BCAS3: variants seen among roughly 807,000 people sequenced by gnomAD.
BCAS3 encodes the protein BCAS4/BCAS3 fusion.
In BCAS3, 53 loss-of-function variants were observed where a neutral mutation model predicts 116.1. The observed-to-expected ratio is 0.46, with a 90% CI of 0.37 to 0.57. The LOEUF (loss-of-function observed/expected upper bound fraction) is 0.57, where lower values mean the gene tolerates loss of function less well. Among genes scored for constraint, BCAS3 ranks in the 20% least tolerant of loss-of-function variants. The probability of loss-of-function intolerance (pLI) is 0.00; values close to 1 mark genes in which losing one functional copy is unlikely to be tolerated. For missense variants in BCAS3, 917 were observed against 1,165.4 expected (o/e 0.79, Z 3.10); for synonymous variants, 391 against 408.2 (o/e 0.96, Z 0.51).
intron 22 of BCAS3, among the ~76,000 whole-genome samples, chr17:61,263,377 A>T (rs1277845054): frequency 6.6e-6 from 1 of 152,234 alleles, no homozygotes; most frequent in African/African-American, 2.4e-5. Context: ...TAACCTGGAC[A>T]TAGGGGTGAG....
At chr17:60,919,459 G>C (rs2058957254) in intron 12 of BCAS3, among the ~76,000 whole-genome samples, 1 of 152,006 alleles carries the variant, frequency 6.6e-6, no homozygotes, top group East Asian at 1.9e-4. Context: ...CGAGCATCTG[G>C]GACTACAGGT....
At chr17:61,125,390 CAT>C (rs1398088700) in intron 22 of BCAS3, among the ~76,000 whole-genome samples, 1 of 152,118 alleles carries the variant, frequency 6.6e-6, no homozygotes, top group African/African-American at 2.4e-5. Flanking sequence ...GCTTCAATGA[CAT>C]ATTTGTTTTC....
At position 61,309,445 on chromosome 17, in the gene BCAS3, C is replaced by G. The variant is rs75177569; in HGVS notation, c.2426-58882C>G. 0.049 allele frequency among the ~76,000 whole-genome samples: 7,478 copies of G among 152,126 alleles called. 546 individuals are homozygous for G. Among genetic ancestry groups the G allele is most frequent in the African/African-American group, 0.15 (6,426 of 41,462 alleles). On this transcript the variant is annotated intron_variant, in intron 22 of 23. Coordinates refer to ENST00000407086, the MANE Select transcript of BCAS3 (RefSeq NM_017679.5). The surrounding 1 kb of genome is among the most constrained non-coding windows in gnomAD (Gnocchi z 4.6). Reference sequence around the variant, plus strand: ...TGTAGAAGAGGAAGCAGGAAGCCACCGACAGGGGCATAACTGTGGACCTAA... The same window carrying G: ...TGTAGAAGAGGAAGCAGGAAGCCACGGACAGGGGCATAACTGTGGACCTAA...
intron 6 of BCAS3, among the ~76,000 whole-genome samples, chr17:60,767,118 G>A (rs1359948167): frequency 6.6e-6 from 1 of 152,136 alleles, no homozygotes; most frequent in Non-Finnish European, 1.5e-5. Flanking sequence ...GCTTCACTTG[G>A]CTAGGAAAAA....
At chr17:60,825,779 G>A (rs1490655469) in intron 7 of BCAS3, among the ~76,000 whole-genome samples, 1 of 151,302 alleles carries the variant, frequency 6.6e-6, no homozygotes, top group Non-Finnish European at 1.5e-5. Context: ...TCCCATTCAT[G>A]AGATTGGGAA....
chr17:61,157,029 C>T (rs1039244541), intron 22 of BCAS3, among the ~76,000 whole-genome samples: 20 of 152,244 alleles, frequency 1.3e-4, no homozygotes, highest in African/African-American at 4.8e-4. Flanking sequence ...TGGTTAATCT[C>T]GAAATCATTG....
intron 19 of BCAS3, among the ~76,000 whole-genome samples, chr17:61,054,446 A>G (rs1843312551): frequency 6.6e-6 from 1 of 152,120 alleles, no homozygotes; most frequent in South Asian, 2.1e-4. Context: ...AGATCACTAC[A>G]GCCTCAACCT....
chr17:61,260,467 G>C (rs1310792846), intron 22 of BCAS3, among the ~76,000 whole-genome samples: 1 of 152,214 alleles, frequency 6.6e-6, no homozygotes, highest in Non-Finnish European at 1.5e-5. Flanking sequence ...ATGGGAACGT[G>C]TTATAAAATG....
rs527424990 is a variant in BCAS3, at chr17:61,233,340, G to C, written c.2426-134987G>C. Among the ~76,000 whole-genome samples the C allele has an allele frequency of 3.9e-5, 6 of 152,274 alleles. No homozygotes were observed. The highest frequency in any genetic ancestry group is 1.2e-4 in the African/African-American group (5 of 41,562). ...TTTGTAGTAAAATCTGAGCTGCCCA[G>C]AACACTCTGTGGCTAATGGCTTTTG... On this transcript the variant is annotated intron_variant, in intron 22 of 23. Transcript: ENST00000407086. The surrounding 1 kb of genome is among the most constrained non-coding windows in gnomAD (Gnocchi z 4.3).
rs2064542568 is a variant in BCAS3, at chr17:61,004,892, T to C, written c.1487-10859T>C. ...CATTTTCTGTGTTAAGAGCCATCTC[T>C]AGTAAGGAATGCTTAATTAATGTTC... On this transcript the variant is annotated intron_variant, in intron 15 of 23. Coordinates refer to ENST00000407086, the MANE Select transcript of BCAS3 (RefSeq NM_017679.5). This position sits in a 1 kb window ranked among gnomAD's most constrained non-coding sequence, Gnocchi z 4.8. 6.6e-6 allele frequency among the ~76,000 whole-genome samples: 1 copy of C among 152,168 alleles called. No individual in the cohort carries two copies. Among genetic ancestry groups the C allele is most frequent in the Non-Finnish European group, 1.5e-5 (1 of 68,014 alleles).
Position 61,261,854 on chromosome 17 carries a change from G to A in BCAS3, c.2426-106473G>A, listed in dbSNP as rs532038203. Reference sequence around the variant, plus strand: ...TTTTTTTGTCTAGTATGACTCCTGCGCACTTTAATTTGAATATAATTATTT... The same window carrying A: ...TTTTTTTGTCTAGTATGACTCCTGCACACTTTAATTTGAATATAATTATTT... On this transcript the variant is annotated intron_variant, in intron 22 of 23. Transcript: ENST00000407086. The surrounding 1 kb of genome is among the most constrained non-coding windows in gnomAD (Gnocchi z 4.4). 2.0e-5 allele frequency among the ~76,000 whole-genome samples: 3 copies of A among 152,064 alleles called. No homozygotes were observed. Among genetic ancestry groups the A allele is most frequent in the Non-Finnish European group, 2.9e-5 (2 of 68,014 alleles).
chr17:60,787,210 G>A (rs574998493), intron 6 of BCAS3, among the ~76,000 whole-genome samples: 2 of 152,230 alleles, frequency 1.3e-5, no homozygotes, highest in African/African-American at 4.8e-5. Context: ...TTTGAGTTTT[G>A]ACAAATGTGT....
chr17:60,950,540 T>C (rs1402886415), intron 14 of BCAS3, among the ~76,000 whole-genome samples: 1 of 152,226 alleles, frequency 6.6e-6, no homozygotes, highest in Non-Finnish European at 1.5e-5. Flanking sequence ...CAGGCTAGTC[T>C]TGAACTCCTG....
At chr17:61,277,733 C>T (rs996005545) in intron 22 of BCAS3, among the ~76,000 whole-genome samples, 4 of 152,140 alleles carry the variant, frequency 2.6e-5, no homozygotes, top group Non-Finnish European at 4.4e-5. Context: ...CCAATAATCA[C>T]GTGAAAAGAT....
intron 7 of BCAS3, among the ~76,000 whole-genome samples, chr17:60,813,232 C>A (rs1287241422): frequency 1.3e-5 from 2 of 151,796 alleles, no homozygotes; most frequent in African/African-American, 4.8e-5. Flanking sequence ...ATTAAGAGTG[C>A]CCTAACCTCA....
chr17:60,783,664 T>C (rs146459292), intron 6 of BCAS3, among the ~76,000 whole-genome samples: 32 of 152,306 alleles, frequency 2.1e-4, no homozygotes, highest in Admixed American at 1.2e-3. Flanking sequence ...ATTTTAAGCA[T>C]CTTAACATTT....
At position 61,046,085 on chromosome 17, in the gene BCAS3, T is replaced by TATATAATATATATATTA; in HGVS notation, c.2029+5198_2029+5199insATATATATATTAATATA. On this transcript the variant is annotated intron_variant, in intron 19 of 23. Coordinates refer to ENST00000407086, the MANE Select transcript of BCAS3 (RefSeq NM_017679.5). ...TATATATATAATATATATATATTTATATATATATATAATATATATATATAT... is the reference window on the plus strand; with the variant it reads ...TATATATATAATATATATATATTTATATATAATATATATATTAATATATATATAATATATATATATAT... 2.6e-4 allele frequency among the ~76,000 whole-genome samples: 10 copies of TATATAATATATATATTA among 38,562 alleles called. 2 individuals carry two copies. The highest frequency in any genetic ancestry group is 2.0e-3 in the African/African-American group (10 of 4,982). The allele number at this position is 38,562 out of a possible 152,430, so 25.3% of individuals were successfully genotyped here.
intron 11 of BCAS3, among the ~76,000 whole-genome samples, chr17:60,903,646 T>C (rs1408539163): frequency 6.6e-6 from 1 of 152,180 alleles, no homozygotes; most frequent in Non-Finnish European, 1.5e-5. Flanking sequence ...TTACGCAGGC[T>C]GGTCTTGAAC....
At chr17:61,193,651 G>A (rs1278194081) in intron 22 of BCAS3, among the ~76,000 whole-genome samples, 1 of 150,860 alleles carries the variant, frequency 6.6e-6, no homozygotes, top group African/African-American at 2.4e-5. Flanking sequence ...CAGCTACTCT[G>A]GAGGCTGAGG....
Sources: gnomAD v4.1 joint callset for allele counts (sites outside exome capture counted in the v4.1 genomes callset) on GRCh38, gnomAD v4.1.1 for gene constraint, Gnocchi (gnomAD v3.1) non-coding constraint, MANE v1.5 for transcripts, NCBI Gene and HGNC (gene_info 2026-07-23, HGNC 2026-07-21) for gene names.